MYO3B: variants seen among roughly 807,000 people sequenced by gnomAD.
The protein encoded by MYO3B is myosin IIIB.
Under a neutral mutation model 174.6 loss-of-function variants are expected in MYO3B, and 156 were observed. The ratio of observed to expected loss-of-function variants is 0.89; its 90% CI spans 0.78 to 1.02. The LOEUF is 1.02. Among genes scored for constraint, MYO3B ranks in the 50% least tolerant of loss-of-function variants. The probability of loss-of-function intolerance (pLI) is 0.00; values close to 1 mark genes in which losing one functional copy is unlikely to be tolerated. For synonymous variants in MYO3B, 563 were observed against 569.1 expected (o/e 0.99, Z 0.15); for missense variants, 1,632 against 1,639.4 (o/e 1.00, Z 0.08).
chr2:170,254,383 CACTG>C (rs935427576), intron 7 of MYO3B, among the ~76,000 whole-genome samples: 3 of 152,172 alleles, frequency 2.0e-5, no homozygotes, highest in African/African-American at 7.2e-5. Context: ...CCACAGCCCT[CACTG>C]ACTGCCAACC....
chr2:170,205,724 A>G (rs115926531), intron 3 of MYO3B, among the ~76,000 whole-genome samples: 2,068 of 152,124 alleles, frequency 0.014, 17 homozygotes, highest in Non-Finnish European at 0.02. Context: ...GATTACGTCA[A>G]TATCTTCCAA....
intron 32 of MYO3B, among the ~76,000 whole-genome samples, chr2:170,583,889 A>T (rs1391510675): frequency 1.3e-5 from 2 of 152,184 alleles, no homozygotes; most frequent in African/African-American, 4.8e-5. Flanking sequence ...GATTTTCCAT[A>T]TGTAACAGTA....
At chr2:170,578,953 G>A (rs1025369350) in intron 32 of MYO3B, among the ~76,000 whole-genome samples, 4 of 152,218 alleles carry the variant, frequency 2.6e-5, no homozygotes, top group Non-Finnish European at 5.9e-5. Flanking sequence ...ATTGTACTCA[G>A]GAAGTTCACA....
At chr2:170,413,085 A>G (rs2094556139) in intron 22 of MYO3B, among the ~76,000 whole-genome samples, 2 of 152,364 alleles carry the variant, frequency 1.3e-5, no homozygotes, top group South Asian at 4.1e-4. Context: ...AGATGAACAA[A>G]AAATCTACAT....
At chr2:170,410,592 G>GAAAAAAA (rs59296953) in intron 22 of MYO3B, among the ~76,000 whole-genome samples, 3 of 112,524 alleles carry the variant, frequency 2.7e-5, no homozygotes, top group Non-Finnish European at 3.6e-5. Context: ...CAAAAAAAAA[G>GAAAAAAA]AAAAAAAAAA....
At chr2:170,510,610 G>T (rs1687915414) in intron 28 of MYO3B, among the ~76,000 whole-genome samples, 1 of 151,610 alleles carries the variant, frequency 6.6e-6, no homozygotes, top group Non-Finnish European at 1.5e-5. Flanking sequence ...TAAAAATGAG[G>T]TCATACTGGA....
intron 28 of MYO3B, among the ~76,000 whole-genome samples, chr2:170,511,868 A>G (rs1416200236): frequency 1.3e-5 from 2 of 152,222 alleles, no homozygotes; most frequent in African/African-American, 4.8e-5. Context: ...GCAGTCTATG[A>G]AGCTACCAGA....
chr2:170,589,870 A>G (rs559428848), intron 32 of MYO3B, among the ~76,000 whole-genome samples: 1 of 152,350 alleles, frequency 6.6e-6, no homozygotes, highest in African/African-American at 2.4e-5. Flanking sequence ...TCCTGTAAGC[A>G]TCATTTATGT....
chr2:170,316,599 C>T (rs2093777427), intron 7 of MYO3B, among the ~76,000 whole-genome samples: 1 of 152,174 alleles, frequency 6.6e-6, no homozygotes, highest in African/African-American at 2.4e-5. Flanking sequence ...AGCTAGTCAG[C>T]AGGTACTTCC....
At chr2:170,504,964 T>C (rs1320468773) in intron 28 of MYO3B, among the ~76,000 whole-genome samples, 1 of 152,286 alleles carries the variant, frequency 6.6e-6, no homozygotes, top group Non-Finnish European at 1.5e-5. Context: ...TGCCTGTCAG[T>C]CTTTGAGGTA....
chr2:170,286,752 A>AT (rs930130596), intron 7 of MYO3B, among the ~76,000 whole-genome samples: 3 of 151,796 alleles, frequency 2.0e-5, no homozygotes, highest in African/African-American at 7.3e-5. Flanking sequence ...TTTTGTTCGT[A>AT]TTTTTTCATT....
chr2:170,307,314 C>A (rs1559375257), intron 7 of MYO3B, among the ~76,000 whole-genome samples: 2 of 145,724 alleles, frequency 1.4e-5, no homozygotes. Context: ...ATATTATTTG[C>A]TTTTCTCTTG....
chr2:170,477,222 A>G (rs964427094), intron 25 of MYO3B, among the ~76,000 whole-genome samples: 6 of 152,070 alleles, frequency 3.9e-5, no homozygotes, highest in African/African-American at 1.4e-4. Context: ...CTCTTCACTG[A>G]TGGAAAGCCT....
chr2:170,601,540 A>G, intron 32 of MYO3B: 2 of 917,168 alleles, frequency 2.2e-6, no homozygotes, highest in Non-Finnish European at 3.3e-6. Context: ...TTTTTATTTA[A>G]AAGGAGTGAG....
intron 22 of MYO3B, among the ~76,000 whole-genome samples, chr2:170,431,794 TACTC>T (rs1381850833): frequency 6.6e-6 from 1 of 152,238 alleles, no homozygotes; most frequent in Non-Finnish European, 1.5e-5. Flanking sequence ...GTCTCTTACT[TACTC>T]TTGATTCCTT....
chr2:170,649,145 A>G (rs1347425803), intron 32 of MYO3B, among the ~76,000 whole-genome samples: 1 of 71,374 alleles, frequency 1.4e-5, no homozygotes, highest in Admixed American at 2.6e-4. Context: ...AATATATAAT[A>G]TATTATATAT....
chr2:170,247,789 A>G (rs1466496824), intron 7 of MYO3B, among the ~76,000 whole-genome samples: 1 of 152,158 alleles, frequency 6.6e-6, no homozygotes, highest in African/African-American at 2.4e-5. Context: ...CATTCATGAG[A>G]AGTCTGTCCT....
At chr2:170,619,734 A>ATTTTTTT (rs1553539465) in intron 32 of MYO3B, among the ~76,000 whole-genome samples, 18 of 33,556 alleles carry the variant, frequency 5.4e-4, no homozygotes, top group Middle Eastern at 0.028. Flanking sequence ...CTGCTGCCAT[A>ATTTTTTT]TTCTTTTTTT....
At chr2:170,226,545 C>T (rs1342171746) in intron 6 of MYO3B, among the ~76,000 whole-genome samples, 1 of 152,208 alleles carries the variant, frequency 6.6e-6, no homozygotes, top group Non-Finnish European at 1.5e-5. Flanking sequence ...GTTTTCACCT[C>T]AGCTCCAGCG....
Sources: gnomAD v4.1 joint callset for allele counts (sites outside exome capture counted in the v4.1 genomes callset) on GRCh38, gnomAD v4.1.1 for gene constraint, MANE v1.5 for transcripts, NCBI Gene and HGNC (gene_info 2026-07-23, HGNC 2026-07-21) for gene names.